The following CUL7 variants were observed in gnomAD, a reference collection of about 807,000 sequenced individuals.
The protein encoded by CUL7 is cullin 7.
In CUL7, 96 loss-of-function variants were observed where a neutral mutation model predicts 177.7. The observed-to-expected ratio is 0.54, with a 90% CI of 0.46 to 0.64. The LOEUF is 0.64. Among genes scored for constraint, CUL7 ranks in the 30% least tolerant of loss-of-function variants. CUL7 has a pLI of 0.00. For missense variants in CUL7, 1,893 were observed against 2,187.9 expected (o/e 0.87, Z 2.69); for synonymous variants, 824 against 890.2 (o/e 0.93, Z 1.32).
At position 43,043,253 on chromosome 6, in the gene CUL7, G is replaced by T; in HGVS notation, c.3356-73C>A. ...CACTCCCAAGTCCCCATCCAAGGGG[G>T]TTCCCTGAGGCCTTTCCTGACATGC... On this transcript the variant is annotated intron_variant, in intron 17 of 25. Transcript: ENST00000265348. This position sits in a 1 kb window ranked among gnomAD's most constrained non-coding sequence, Gnocchi z 4.2. The T allele has an allele frequency of 7.5e-7, 1 of 1,330,516 alleles. No individual in the cohort carries two copies. Among genetic ancestry groups the T allele is most frequent in the Non-Finnish European group, 1.1e-6 (1 of 935,066 alleles). 82.4% of individuals were successfully genotyped at this position (1,330,516 alleles called of 1,614,324 possible). A position where few individuals can be genotyped will look rare whatever the true frequency, so the allele number is the denominator to read the frequency against.
At chr6:43,049,897 G>C in intron 6 of CUL7, 66 bp downstream of exon 6, 1 of 1,493,388 alleles carries the variant, frequency 6.7e-7, no homozygotes, top group South Asian at 1.1e-5. Context: ...CCTTCCAAAT[G>C]CTCTATACAG....
rs377529795 is a variant in CUL7 at position 43,051,167 on chromosome 6, G to A, written c.1034C>T (p.Ala345Val). 4.3e-5 allele frequency: 70 copies of A among 1,614,080 alleles called. No homozygotes were observed. Among genetic ancestry groups the A allele is most frequent in the Non-Finnish European group, 5.4e-5 (64 of 1,180,044 alleles). Residue 345 changes from alanine (A) to valine (V), a missense_variant, in exon 4 of 26, where the codon GCC becomes GTC. Physicochemically the swap from Ala to Val is moderately conservative, Grantham distance 64. Transcript: ENST00000265348. The surrounding 1 kb of genome is among the most constrained non-coding windows in gnomAD (Gnocchi z 5.0). ...CCTCCTGAAGGAGGGCTGAGCCTGG[G>A]CAGCGGGGAGCCCTGGGCTCACATC... ...LADVSPGLPA[A>V]QAQPSFRRSR...
chr6:43,047,729 G>A (rs1764035181), intron 9 of CUL7, among the ~76,000 whole-genome samples: 3 of 152,176 alleles, frequency 2.0e-5, no homozygotes, highest in Admixed American at 2.0e-4. Context: ...AGCCAAAAAT[G>A]GAGCTATTGA....
Position 43,053,548 on chromosome 6 carries a change from TG to T in CUL7, c.-9+73del. 2.9e-6 allele frequency: 3 copies of T among 1,047,898 alleles called. No homozygotes were observed. The highest frequency in any genetic ancestry group is 2.5e-6 in the Non-Finnish European group (2 of 787,426). 64.9% of individuals were successfully genotyped at this position (1,047,898 alleles called of 1,614,324 possible). The stretch of plus-strand genomic sequence containing the variant: ...GGCACGGTAGGATGGGGACCGAGGT[TG>T]GGTGAGCGCGAGGCTCGATGGGCTA... On this transcript the variant is annotated intron_variant, in intron 1 of 25. Transcript: ENST00000265348. The surrounding 1 kb of genome is among the most constrained non-coding windows in gnomAD (Gnocchi z 4.1).
intron 22 of CUL7, 32 bp from the exon 23 acceptor site, chr6:43,039,019 C>T: frequency 6.6e-7 from 1 of 1,518,930 alleles, no homozygotes; most frequent in Non-Finnish European, 9.1e-7. Flanking sequence ...AGACAAAGAG[C>T]AGGTGAAAGG....
chr6:43,051,706 AG>A lies in CUL7; in HGVS notation c.637del (p.Leu213TrpfsTer10), dbSNP rs1166891892. 1 of 1,614,028 alleles carries A rather than the reference AG, an allele frequency of 6.2e-7. No individual in the cohort carries two copies. The highest frequency in any genetic ancestry group is 8.5e-7 in the Non-Finnish European group (1 of 1,180,034). Reference protein sequence around the residue: ...LSQQEAIEKHLDFDSRCALLA... With the variant: ...LSQQEAIEKHXDFDSRCALLA... ...CAGAGCACAGCGGCTGTCAAAATCCAGGTGTTTCTCAATGGCTTCTTGTTGG... is the reference window on the plus strand; with the variant it reads ...CAGAGCACAGCGGCTGTCAAAATCCAGTGTTTCTCAATGGCTTCTTGTTGG... On this transcript the variant is annotated frameshift_variant, in exon 3 of 26. Coordinates refer to ENST00000265348, the MANE Select transcript of CUL7 (RefSeq NM_014780.5). LOFTEE classifies it high-confidence loss of function. This position sits in a 1 kb window ranked among gnomAD's most constrained non-coding sequence, Gnocchi z 5.0.
rs1218708813 is a variant in CUL7, at chr6:43,050,933, C to T, written c.1233+35G>A. ...CCAGCTCTGCCCTACCCCAAATAGA[C>T]CCCCAACAGTATCCCACCACCATGT... On this transcript the variant is annotated intron_variant, in intron 4 of 25. Transcript: ENST00000265348. The surrounding 1 kb of genome is among the most constrained non-coding windows in gnomAD (Gnocchi z 4.1). The T allele has an allele frequency of 6.2e-7, 1 of 1,612,072 alleles. No individual in the cohort carries two copies. Among genetic ancestry groups the T allele is most frequent in the Non-Finnish European group, 8.5e-7 (1 of 1,179,808 alleles).
rs779362501 is a variant in CUL7 at position 43,046,028 on chromosome 6, G to A, written c.2724C>T (p.Cys908=). ...SSYMPARVVV[C]GGDSTSSLHT... is the part of the protein sequence containing the mutation. ...GAAGAGAGCTAGTGCTATCACCCCC[G>A]CACACCACCACTCGGGCCGGCATGT... Residue 908 remains cysteine (C), a synonymous_variant, in exon 13 of 26, where the codon TGC becomes TGT. Coordinates refer to ENST00000265348, the MANE Select transcript of CUL7 (RefSeq NM_014780.5). The A allele has an allele frequency of 4.3e-5, 69 of 1,613,922 alleles. No individual in the cohort carries two copies. Among genetic ancestry groups the A allele is most frequent in the Non-Finnish European group, 5.5e-5 (65 of 1,179,980 alleles).
In CUL7 at chr6:43,043,282, C is replaced by T; in HGVS notation, c.3356-102G>A. On this transcript the variant is annotated intron_variant, in intron 17 of 25. Transcript: ENST00000265348. This position sits in a 1 kb window ranked among gnomAD's most constrained non-coding sequence, Gnocchi z 4.2. ...CCTGAGGCCTTTCCTGACATGCTGC[C>T]ACCCAAAATGATGTTCATGGATGGA... 1 of 1,206,348 alleles carries T rather than the reference C, an allele frequency of 8.3e-7. No homozygotes were observed. Among genetic ancestry groups the T allele is most frequent in the African/African-American group, 1.5e-5 (1 of 66,702 alleles). The allele number at this position is 1,206,348 out of a possible 1,614,324, so 74.7% of individuals were successfully genotyped here.
rs1466424474 is a variant in CUL7, at chr6:43,042,790, G to A, written c.3645+12C>T. 1 of 1,596,334 alleles carries A rather than the reference G, an allele frequency of 6.3e-7. No homozygotes were observed. ...GAAGAGACCCAAGGATGAGGCAAGG[G>A]TAGAGGCTTACGTGGGCAGCTTTGA... On this transcript the variant is annotated intron_variant, in intron 19 of 25. Transcript: ENST00000265348.
chr6:43,037,687 G>A lies in CUL7; in HGVS notation c.*1C>T, dbSNP rs746561312. The A allele has an allele frequency of 2.2e-5, 34 of 1,552,296 alleles. No individual in the cohort carries two copies. The highest frequency in any genetic ancestry group is 2.8e-5 in the Non-Finnish European group (32 of 1,147,044). On this transcript the variant is annotated 3_prime_UTR_variant, in exon 26 of 26. Coordinates refer to ENST00000265348, the MANE Select transcript of CUL7 (RefSeq NM_014780.5). ...ACCTTCCCCTGACCCCAAGTCTAGG[G>A]CTACCGGAAGGTAGAGAAGCTCTGG...
Position 43,050,002 on chromosome 6 carries a change from C to T in CUL7, c.1530G>A (p.Gln510=). 1 of 1,614,232 alleles carries T rather than the reference C, an allele frequency of 6.2e-7. No homozygotes were observed. The highest frequency in any genetic ancestry group is 8.5e-7 in the Non-Finnish European group (1 of 1,180,036). ...FIKKLDGPDH[Q]EVLQILQENL... is the part of the protein sequence containing the mutation. ...TCTCCTGGAGGATCTGGAGAACCTC[C>T]TGATGGTCAGGTCCATCCAGCTTCT... The change falls in exon 6 of 26, where the codon CAG becomes CAA. Residue 510 remains glutamine (Q), a synonymous_variant. Transcript: ENST00000265348. This position sits in a 1 kb window ranked among gnomAD's most constrained non-coding sequence, Gnocchi z 4.1.
chr6:43,048,495 T>A lies in CUL7; in HGVS notation c.1900A>T (p.Ile634Phe). Residue 634 changes from isoleucine (I) to phenylalanine (F), a missense_variant, in exon 8 of 26, where the codon ATC becomes TTC. By Grantham distance (21) the Ile-to-Phe change is conservative. Transcript: ENST00000265348. ...AGGGCTTGCTCTAGATCCAGGAGGA[T>A]TTTCCCAGCTGGACCATAACCCTCC... is the stretch of plus-strand genomic sequence containing the variant. Reference protein sequence around the residue: ...LVEGYGPAGKILLDLEQALSS... With the variant: ...LVEGYGPAGKFLLDLEQALSS... 1 of 1,613,956 alleles carries A rather than the reference T, an allele frequency of 6.2e-7. No homozygotes were observed. The highest frequency in any genetic ancestry group is 1.1e-5 in the South Asian group (1 of 91,072).
chr6:43,050,431 A>C lies in CUL7; in HGVS notation c.1234-33T>G. Reference sequence around the variant, plus strand: ...ATAGGGAAAGAAAGAGGGAAGGGGAAGGGAGGACTCACAAATGACTGGCTG... The same window carrying C: ...ATAGGGAAAGAAAGAGGGAAGGGGACGGGAGGACTCACAAATGACTGGCTG... On this transcript the variant is annotated intron_variant, in intron 4 of 25. Coordinates refer to ENST00000265348, the MANE Select transcript of CUL7 (RefSeq NM_014780.5). This position sits in a 1 kb window ranked among gnomAD's most constrained non-coding sequence, Gnocchi z 4.1. The C allele has an allele frequency of 6.2e-7, 1 of 1,613,498 alleles. No individual in the cohort carries two copies. The highest frequency in any genetic ancestry group is 8.5e-7 in the Non-Finnish European group (1 of 1,179,932).
In CUL7 at chr6:43,052,325, C is replaced by T. The variant is rs528695286; in HGVS notation, c.464G>A (p.Gly155Glu). 2.9e-5 allele frequency: 47 copies of T among 1,614,230 alleles called. No individual in the cohort carries two copies. The South Asian group carries it at 4.7e-4, about 16-fold the overall frequency. The change falls in exon 2 of 26, where the codon GGA becomes GAA. Residue 155 changes from glycine to glutamate, a missense_variant. Physicochemically the swap from Gly to Glu is moderately conservative, Grantham distance 98 (BLOSUM62 -2). Coordinates refer to ENST00000265348, the MANE Select transcript of CUL7 (RefSeq NM_014780.5). The surrounding 1 kb of genome is among the most constrained non-coding windows in gnomAD (Gnocchi z 4.5). ...SAYASIEPLT[G>E]VFKDPRVLDL... ...CAGGACCCTTGGGTCCTTGAATACT[C>T]CAGTGAGGGGCTCAATGCTGGCATA...
rs1763600149 is a variant in CUL7 at position 43,043,180 on chromosome 6, T to A, written c.3356A>T (p.Lys1119Ile). ...CCAGTCGTGGCTTCTGTTTCTGCCTTCTGTAGAGACCAAGAAAGTGGCAGA... is the reference window on the plus strand; with the variant it reads ...CCAGTCGTGGCTTCTGTTTCTGCCTACTGTAGAGACCAAGAAAGTGGCAGA... ...PPPVVATPRP[K>I]GRNRSHDWSS... Residue 1119 changes from lysine (K) to isoleucine (I), a missense_variant and splice_region_variant, in exon 18 of 26, where the codon AAA becomes ATA. Coordinates refer to ENST00000265348, the MANE Select transcript of CUL7 (RefSeq NM_014780.5). The surrounding 1 kb of genome is among the most constrained non-coding windows in gnomAD (Gnocchi z 4.2). 6.2e-7 allele frequency: 1 copy of A among 1,612,638 alleles called. No homozygotes were observed. Among genetic ancestry groups the A allele is most frequent in the South Asian group, 1.1e-5 (1 of 91,030 alleles).
At position 43,042,981 on chromosome 6, in the gene CUL7, T is replaced by C; in HGVS notation, c.3466A>G (p.Asn1156Asp). 6.2e-7 allele frequency: 1 copy of C among 1,614,112 alleles called. No homozygotes were observed. ...CGCCAGGATGAGGTCAGAAAATTGT[T>C]CACCTGGAAGGAAGGGGCAGGAGCA... Reference protein sequence around the residue: ...CWRAVVEKQVNNFLTSSWRDD... With the variant: ...CWRAVVEKQVDNFLTSSWRDD... Residue 1156 changes from asparagine (N) to aspartate (D), a missense_variant, in exon 19 of 26, where the codon AAC becomes GAC. Physicochemically the swap from Asn to Asp is conservative, Grantham distance 23. Around this residue, in one of 5 missense-constraint regions of CUL7, gnomAD observed 973 missense variants for 1,140.9 expected, o/e 0.85. Transcript: ENST00000265348.
At chr6:43,049,221 C>G (rs1280876824) in intron 7 of CUL7, among the ~76,000 whole-genome samples, 186 bp downstream of exon 7, 1 of 152,232 alleles carries the variant, frequency 6.6e-6, no homozygotes, top group African/African-American at 2.4e-5. Context: ...AATTTTCTAA[C>G]TTTACATCCT....
At chr6:43,039,059 G>T in intron 22 of CUL7, 72 bp from the exon 23 acceptor site, 3 of 967,212 alleles carry the variant, frequency 3.1e-6, no homozygotes, top group Non-Finnish European at 3.4e-6. Context: ...GAGGGTGCAC[G>T]CTGGTCACGC....
Sources: allele counts gnomAD v4.1 joint callset (sites outside exome capture counted in the v4.1 genomes callset), GRCh38; gene constraint gnomAD v4.1.1; regional missense constraint gnomAD v4.1.1; non-coding constraint Gnocchi (gnomAD v3.1); transcripts MANE v1.5; gene names NCBI Gene and HGNC (gene_info 2026-07-23, HGNC 2026-07-21).